CDH12: variants seen among roughly 807,000 people sequenced by gnomAD.
CDH12 encodes cadherin 12.
Under a neutral mutation model 74.1 loss-of-function variants are expected in CDH12, and 41 were observed. The observed-to-expected ratio is 0.55, with a 90% CI of 0.43 to 0.72. The LOEUF (loss-of-function observed/expected upper bound fraction) is 0.72, where lower values mean the gene tolerates loss of function less well. Ranked by LOEUF, CDH12 falls within the 30% of genes least tolerant of loss-of-function variation. The probability of loss-of-function intolerance (pLI) is 0.00; values close to 1 mark genes in which losing one functional copy is unlikely to be tolerated. For missense variants in CDH12, 945 were observed against 977.2 expected (o/e 0.97, Z 0.44); for synonymous variants, 399 against 355.0 (o/e 1.12, Z -1.39).
chr5:22,757,260 T>C (rs1169999232), intron 1 of CDH12, among the ~76,000 whole-genome samples: 1 of 152,164 alleles, frequency 6.6e-6, no homozygotes, highest in Non-Finnish European at 1.5e-5. Flanking sequence ...CCAAAGATCT[T>C]ATTTATGGTG....
At chr5:22,204,329 T>G (rs1176663936) in intron 4 of CDH12, among the ~76,000 whole-genome samples, 3 of 152,074 alleles carry the variant, frequency 2.0e-5, no homozygotes, top group Non-Finnish European at 2.9e-5. Flanking sequence ...CCCGGTTAGT[T>G]TTTTGTATTT....
At chr5:21,777,051 G>A (rs1031819679) in intron 11 of CDH12, among the ~76,000 whole-genome samples, 4 of 152,082 alleles carry the variant, frequency 2.6e-5, no homozygotes, top group African/African-American at 7.2e-5. Context: ...TATCAACTAA[G>A]TGTGCTATTA....
chr5:22,666,979 G>A (rs1030637678), intron 1 of CDH12, among the ~76,000 whole-genome samples: 37 of 152,032 alleles, frequency 2.4e-4, no homozygotes, highest in African/African-American at 8.7e-4. Flanking sequence ...CCCAATTTGC[G>A]CTTTGGCTAA....
intron 13 of CDH12, among the ~76,000 whole-genome samples, chr5:21,759,723 G>C (rs1417135870): frequency 1.3e-5 from 2 of 151,514 alleles, no homozygotes; most frequent in Non-Finnish European, 2.9e-5. Context: ...TAACGTGAAG[G>C]TGTGTTACAT....
At chr5:22,676,829 G>A (rs1462701027) in intron 1 of CDH12, among the ~76,000 whole-genome samples, 1 of 151,864 alleles carries the variant, frequency 6.6e-6, no homozygotes, top group Non-Finnish European at 1.5e-5. Flanking sequence ...TTCTTTGAGG[G>A]GGAAAACAAC....
chr5:22,176,235 T>C lies in CDH12; in HGVS notation c.-187+36263A>G, dbSNP rs1345505669. 2.0e-5 allele frequency among the ~76,000 whole-genome samples: 3 copies of C among 152,074 alleles called. No individual in the cohort carries two copies. In the East Asian group the frequency reaches 5.8e-4, roughly 29 times the overall value. ...AATGCAGTGGCAAGATTTTCACTTTTCATATTTGAATGAAAGATTCAAAAC... is the reference window on the plus strand; with the variant it reads ...AATGCAGTGGCAAGATTTTCACTTTCCATATTTGAATGAAAGATTCAAAAC... On this transcript the variant is annotated intron_variant, in intron 4 of 14. Transcript: ENST00000382254.
At chr5:21,854,575 G>C in intron 7 of CDH12, 96 bp downstream of exon 7, 6 of 947,912 alleles carry the variant, frequency 6.3e-6, no homozygotes, top group East Asian at 2.5e-5. Flanking sequence ...AAGCTTTATG[G>C]CTATATTAGA....
intron 4 of CDH12, among the ~76,000 whole-genome samples, chr5:22,117,559 T>TTG (rs1745250664): frequency 8.0e-6 from 1 of 124,840 alleles, no homozygotes; most frequent in Non-Finnish European, 1.6e-5. Context: ...GCGTGTGTGT[T>TTG]TGTGTGTGTA....
chr5:22,774,118 C>T (rs986399209), intron 1 of CDH12, among the ~76,000 whole-genome samples: 2 of 152,068 alleles, frequency 1.3e-5, no homozygotes, highest in Admixed American at 6.6e-5. Context: ...CCCAGCAATC[C>T]TATTACTTGG....
chr5:22,013,933 T>C (rs1194601120), intron 5 of CDH12, among the ~76,000 whole-genome samples: 3 of 152,054 alleles, frequency 2.0e-5, no homozygotes, highest in Non-Finnish European at 4.4e-5. Flanking sequence ...CTTATAAAAA[T>C]GAACAAATAG....
chr5:22,625,622 A>G (rs1268774848), intron 1 of CDH12, among the ~76,000 whole-genome samples: 1 of 152,164 alleles, frequency 6.6e-6, no homozygotes, highest in African/African-American at 2.4e-5. Context: ...ACCTGGACAG[A>G]GCATGGCCGT....
chr5:22,090,446 T>C (rs2058085852), intron 4 of CDH12, among the ~76,000 whole-genome samples: 1 of 149,250 alleles, frequency 6.7e-6, no homozygotes, highest in Non-Finnish European at 1.5e-5. Flanking sequence ...TTGAATTCTA[T>C]CAAACATTTC....
intron 1 of CDH12, among the ~76,000 whole-genome samples, chr5:22,509,856 G>T (rs902326867): frequency 2.3e-4 from 35 of 152,176 alleles, no homozygotes; most frequent in Admixed American, 2.2e-3. Context: ...CTCCAGATTT[G>T]CCCAAATATA....
chr5:22,713,727 G>A (rs1743420103), intron 1 of CDH12, among the ~76,000 whole-genome samples: 1 of 152,144 alleles, frequency 6.6e-6, no homozygotes, highest in South Asian at 2.1e-4. Context: ...ATGTGTGTGT[G>A]TGCCTGTGTT....
intron 2 of CDH12, among the ~76,000 whole-genome samples, chr5:22,425,006 CATGAT>C (rs1743837169): frequency 6.7e-6 from 1 of 149,820 alleles, no homozygotes; most frequent in East Asian, 2.0e-4. Context: ...TTCTTCCATA[CATGAT>C]ATATCTGCAC....
intron 1 of CDH12, among the ~76,000 whole-genome samples, chr5:22,514,857 A>C (rs1736742817): frequency 6.6e-6 from 1 of 152,194 alleles, no homozygotes; most frequent in Admixed American, 6.5e-5. Flanking sequence ...AGAACAAGAA[A>C]TAACAAAGAC....
chr5:22,756,289 G>C (rs17358685), intron 1 of CDH12, among the ~76,000 whole-genome samples: 1 of 151,658 alleles, frequency 6.6e-6, no homozygotes, highest in Non-Finnish European at 1.5e-5. Context: ...CAAATCCATC[G>C]TACACTATAT....
At chr5:22,647,688 T>A (rs1170275219) in intron 1 of CDH12, among the ~76,000 whole-genome samples, 1 of 151,886 alleles carries the variant, frequency 6.6e-6, no homozygotes, top group Middle Eastern at 3.2e-3. Flanking sequence ...ATTTCAAATA[T>A]AGTCACACTA....
intron 6 of CDH12, among the ~76,000 whole-genome samples, chr5:21,880,613 T>TCTC (rs1561268361): frequency 1.1e-5 from 1 of 88,416 alleles, no homozygotes; most frequent in African/African-American, 4.6e-5. Flanking sequence ...CCTTCCTTCC[T>TCTC]TCCTTCTTTC....
Sources: allele counts gnomAD v4.1 joint callset (sites outside exome capture counted in the v4.1 genomes callset), GRCh38; gene constraint gnomAD v4.1.1; transcripts MANE v1.5; gene names NCBI Gene and HGNC (gene_info 2026-07-23, HGNC 2026-07-21).